Variants in FMN1 observed in about 807,000 individuals in gnomAD.
FMN1 encodes formin-1.
A neutral mutation model predicts 132.4 loss-of-function variants in FMN1; 110 were observed. The ratio of observed to expected loss-of-function variants is 0.83; its 90% CI spans 0.71 to 0.97. FMN1 has a LOEUF of 0.97. Among genes scored for constraint, FMN1 ranks in the 50% least tolerant of loss-of-function variants. FMN1 has a pLI of 0.00. For synonymous variants in FMN1, 722 were observed against 651.7 expected (o/e 1.11, Z -1.64); for missense variants, 1,792 against 1,705.3 (o/e 1.05, Z -0.90).
intron 9 of FMN1, among the ~76,000 whole-genome samples, chr15:32,930,881 T>C (rs752068155): frequency 6.6e-6 from 1 of 152,210 alleles, no homozygotes; most frequent in African/African-American, 2.4e-5. Context: ...TGTTCCAAGA[T>C]AAGGGTCCAA....
At chr15:33,021,311 A>G (rs1453967914) in intron 6 of FMN1, among the ~76,000 whole-genome samples, 3 of 152,202 alleles carry the variant, frequency 2.0e-5, no homozygotes. Context: ...TTTGTTACAC[A>G]GCATTATTAC....
chr15:33,043,703 T>G (rs768088533), intron 6 of FMN1, among the ~76,000 whole-genome samples: 38 of 152,214 alleles, frequency 2.5e-4, no homozygotes, highest in Non-Finnish European at 4.6e-4. Flanking sequence ...ACTGCCATGA[T>G]GCTGGCTGCA....
chr15:32,977,863 CTT>C (rs773212104), intron 7 of FMN1, among the ~76,000 whole-genome samples: 4 of 142,626 alleles, frequency 2.8e-5, no homozygotes, highest in Non-Finnish European at 4.6e-5. Flanking sequence ...TACAATTATT[CTT>C]TTTTTTTTTT....
chr15:32,805,820 C>T (rs554133935), intron 17 of FMN1, among the ~76,000 whole-genome samples: 10 of 152,346 alleles, frequency 6.6e-5, no homozygotes, highest in Admixed American at 5.9e-4. Context: ...TCCACACCCA[C>T]AGGCCCTTTT....
chr15:32,780,424 G>A (rs74438946), intron 19 of FMN1, among the ~76,000 whole-genome samples: 15,392 of 152,170 alleles, frequency 0.1, 1,780 homozygotes, highest in African/African-American at 0.27. Flanking sequence ...AAATGTCATG[G>A]CAATAGTCAG....
Position 32,900,134 on chromosome 15 carries a change from G to A in FMN1, c.3508-9C>T. 1.2e-6 allele frequency: 2 copies of A among 1,613,320 alleles called. No homozygotes were observed. Among genetic ancestry groups the A allele is most frequent in the Non-Finnish European group, 1.7e-6 (2 of 1,179,764 alleles). On this transcript the variant is annotated splice_polypyrimidine_tract_variant and intron_variant, in intron 13 of 20. Transcript: ENST00000616417. The stretch of plus-strand genomic sequence containing the variant: ...TTCACGTGCAGCAAGTCCTGTGATG[G>A]CAAACACCAGTTATTACGGAGCTGA...
At chr15:32,988,051 T>TTTG (rs1566795440) in intron 7 of FMN1, among the ~76,000 whole-genome samples, 1 of 22,330 alleles carries the variant, frequency 4.5e-5, no homozygotes, top group Non-Finnish European at 1.1e-4. Context: ...TCTCTCCAGT[T>TTTG]TTTTTTTTTT....
At chr15:33,029,404 G>C (rs1020323564) in intron 6 of FMN1, among the ~76,000 whole-genome samples, 2 of 152,154 alleles carry the variant, frequency 1.3e-5, no homozygotes, top group African/African-American at 4.8e-5. Context: ...GAGAGAACTA[G>C]ATGTTCTGAG....
chr15:33,096,167 C>T (rs1227084413), intron 4 of FMN1, among the ~76,000 whole-genome samples: 1 of 152,132 alleles, frequency 6.6e-6, no homozygotes, highest in Non-Finnish European at 1.5e-5. Flanking sequence ...ACAAGCTGAT[C>T]CCTGATGGCT....
In FMN1 at chr15:32,767,797, T is replaced by C. The variant is rs1384349151; in HGVS notation, c.*6513A>G. On this transcript the variant is annotated 3_prime_UTR_variant, in exon 21 of 21. Transcript: ENST00000616417. Reference sequence around the variant, plus strand: ...ATCCCTTAGGTAGATCCCCAAAACCTATTTGTGTCATTGCGAGCAAACAGA... The same window carrying C: ...ATCCCTTAGGTAGATCCCCAAAACCCATTTGTGTCATTGCGAGCAAACAGA... 1 of 152,210 alleles carries C rather than the reference T, an allele frequency of 6.6e-6. No homozygotes were observed. The highest frequency in any genetic ancestry group is 1.9e-4 in the East Asian group (1 of 5,192). The allele number at this position is 152,210 out of a possible 1,614,324, so 9.4% of individuals were successfully genotyped here.
chr15:32,775,822 A>G (rs1258736), intron 20 of FMN1, among the ~76,000 whole-genome samples: 24,747 of 152,190 alleles, frequency 0.16, 2,487 homozygotes, highest in Non-Finnish European at 0.23. Context: ...GATTTGAAGC[A>G]TCCAGCAAAA....
intron 11 of FMN1, 29 bp from the exon 12 acceptor site, chr15:32,908,607 A>T: frequency 1.5e-6 from 1 of 687,662 alleles, no homozygotes; most frequent in Non-Finnish European, 2.2e-6. Context: ...CAAAACCAAA[A>T]AAAAAAAAAA....
At chr15:32,798,727 G>A in intron 19 of FMN1, 77 bp downstream of exon 19, 2 of 1,268,842 alleles carry the variant, frequency 1.6e-6, no homozygotes, top group Non-Finnish European at 2.2e-6. Flanking sequence ...GTGTGAAATA[G>A]ACACACTTTG....
chr15:32,966,273 T>C (rs1567476639), intron 8 of FMN1, among the ~76,000 whole-genome samples: 1 of 142,682 alleles, frequency 7.0e-6, no homozygotes, highest in Non-Finnish European at 1.6e-5. Flanking sequence ...CCGTGATCAG[T>C]TTAAGCACCT....
Position 33,048,635 on chromosome 15 carries a change from A to AC in FMN1, c.2161+16321_2161+16322insG, listed in dbSNP as rs1333776605. Among the ~76,000 whole-genome samples the AC allele has an allele frequency of 2.9e-4, 41 of 141,402 alleles. 2 individuals are homozygous for AC. The highest frequency in any genetic ancestry group is 2.3e-3 in the South Asian group (10 of 4,374). 92.8% of individuals were successfully genotyped at this position (141,402 alleles called of 152,430 possible). ...ACTCGAGACTGGGCAATTTACCAAA[A>AC]AAAAAAAAAAAAAACCAACAGTTTA... On this transcript the variant is annotated intron_variant, in intron 6 of 20. Transcript: ENST00000616417.
At chr15:33,127,412 A>AG (rs1355863001) in intron 4 of FMN1, among the ~76,000 whole-genome samples, 6 of 152,224 alleles carry the variant, frequency 3.9e-5, no homozygotes, top group African/African-American at 1.4e-4. Context: ...GATGGACCAG[A>AG]ACAACTATTT....
chr15:33,172,222 A>AAAAG (rs1172081002), intron 3 of FMN1, among the ~76,000 whole-genome samples: 1 of 151,368 alleles, frequency 6.6e-6, no homozygotes, highest in African/African-American at 2.4e-5. Flanking sequence ...AAAAAAAAAG[A>AAAAG]AAAGAAAGAA....
chr15:33,177,519 T>C (rs762759679), intron 3 of FMN1, among the ~76,000 whole-genome samples: 41 of 152,294 alleles, frequency 2.7e-4, no homozygotes, highest in Middle Eastern at 6.8e-3. Flanking sequence ...AAAGGCCTTT[T>C]GTTCTCCCTA....
chr15:33,160,247 T>C (rs1964835351), intron 3 of FMN1, among the ~76,000 whole-genome samples: 1 of 151,978 alleles, frequency 6.6e-6, no homozygotes, highest in South Asian at 2.1e-4. Context: ...GGCACATACA[T>C]GGGATGGAAC....
Sources: allele counts gnomAD v4.1 joint callset (sites outside exome capture counted in the v4.1 genomes callset), GRCh38; gene constraint gnomAD v4.1.1; transcripts MANE v1.5; gene names NCBI Gene and HGNC (gene_info 2026-07-23, HGNC 2026-07-21).